CSMD2: variants seen among roughly 807,000 people sequenced by gnomAD.
The protein encoded by CSMD2 is CUB and Sushi multiple domains 2.
A neutral mutation model predicts 398.5 loss-of-function variants in CSMD2; 130 were observed. The observed-to-expected ratio is 0.33, with a 90% CI of 0.28 to 0.38. The LOEUF is 0.38. Ranked by LOEUF, CSMD2 falls within the 10% of genes least tolerant of loss-of-function variation. CSMD2 has a pLI of 1.00. For synonymous variants in CSMD2, 1,828 were observed against 1,908.5 expected, an observed-to-expected ratio of 0.96 and a Z score of 1.10; for missense variants, 3,829 against 4,764.9, an observed-to-expected ratio of 0.80 and a Z score of 5.78.
At chr1:34,061,484 T>C (rs185098018) in intron 2 of CSMD2, among the ~76,000 whole-genome samples, 2 of 152,030 alleles carry the variant, frequency 1.3e-5, no homozygotes, top group South Asian at 2.1e-4. Context: ...CACTCACTGC[T>C]TCTCTGCTAT....
intron 49 of CSMD2, 52 bp downstream of exon 49, chr1:33,577,244 A>G (rs980684993): frequency 6.6e-7 from 1 of 1,514,240 alleles, no homozygotes; most frequent in South Asian, 1.3e-5. Flanking sequence ...CAAACCCAAG[A>G]TATGAGTTGG....
chr1:33,624,721 C>A lies in CSMD2; in HGVS notation c.5501-78G>T. 6.5e-7 allele frequency: 1 copy of A among 1,541,048 alleles called. No homozygotes were observed. The highest frequency in any genetic ancestry group is 1.2e-5 in the South Asian group (1 of 83,576). ...TCCCAAGCTGACTCCTCCCTCATGG[C>A]CCCCAGCCTCTGTTTGTCCTCCTCC... On this transcript the variant is annotated intron_variant, in intron 34 of 70. Coordinates refer to ENST00000373381, the MANE Select transcript of CSMD2 (RefSeq NM_001281956.2). The surrounding 1 kb of genome is among the most constrained non-coding windows in gnomAD (Gnocchi z 4.7).
chr1:33,843,243 C>T (rs1661032683), intron 6 of CSMD2, among the ~76,000 whole-genome samples: 1 of 152,180 alleles, frequency 6.6e-6, no homozygotes, highest in African/African-American at 2.4e-5. Context: ...AGTTGCCTAC[C>T]TCCTGATAAC....
At chr1:33,880,059 T>G (rs1260921935) in intron 5 of CSMD2, among the ~76,000 whole-genome samples, 2 of 152,192 alleles carry the variant, frequency 1.3e-5, no homozygotes, top group Non-Finnish European at 2.9e-5. Flanking sequence ...TTAAGTAAAT[T>G]GCTCAAAGTT....
chr1:34,010,831 G>A (rs781737726), intron 3 of CSMD2, among the ~76,000 whole-genome samples: 2 of 151,978 alleles, frequency 1.3e-5, no homozygotes, highest in Admixed American at 6.5e-5. Context: ...TGTTAGCCTC[G>A]GTGAAGGATG....
intron 70 of CSMD2, among the ~76,000 whole-genome samples, chr1:33,517,912 C>A (rs1341728838): frequency 6.6e-6 from 1 of 152,218 alleles, no homozygotes. Flanking sequence ...GGAACTGTCC[C>A]CACCATCTCT....
chr1:33,586,907 C>T (rs545951009), intron 45 of CSMD2, among the ~76,000 whole-genome samples, 181 bp downstream of exon 45: 1 of 152,316 alleles, frequency 6.6e-6, no homozygotes, highest in African/African-American at 2.4e-5. Flanking sequence ...TCTGCCTCCC[C>T]TTTTGATTTT....
At position 33,925,116 on chromosome 1, in the gene CSMD2, T is replaced by C. The variant is rs906571029; in HGVS notation, c.713-6815A>G. Reference sequence around the variant, plus strand: ...TGCTTTTGAGGTCTTAGCCATAAAATCTTTGCCTAGACCAATCTCCTGGAA... The same window carrying C: ...TGCTTTTGAGGTCTTAGCCATAAAACCTTTGCCTAGACCAATCTCCTGGAA... On this transcript the variant is annotated intron_variant, in intron 4 of 70. Coordinates refer to ENST00000373381, the MANE Select transcript of CSMD2 (RefSeq NM_001281956.2). Among the ~76,000 whole-genome samples, 4 of 152,206 alleles carry C rather than the reference T, an allele frequency of 2.6e-5. No individual in the cohort carries two copies. The East Asian group carries it at 5.8e-4, about 22-fold the overall frequency.
intron 3 of CSMD2, among the ~76,000 whole-genome samples, chr1:33,993,577 C>T (rs1646631725): frequency 6.6e-6 from 1 of 152,172 alleles, no homozygotes; most frequent in South Asian, 2.1e-4. Context: ...TCTCTCTCGT[C>T]ACTTCTTTTT....
chr1:33,846,228 T>C (rs1661341690), intron 6 of CSMD2, among the ~76,000 whole-genome samples: 1 of 152,250 alleles, frequency 6.6e-6, no homozygotes, highest in Non-Finnish European at 1.5e-5. Context: ...GGGAAATTCT[T>C]CATTATTGCA....
At chr1:33,760,748 C>T (rs187744264) in intron 13 of CSMD2, among the ~76,000 whole-genome samples, 3 of 152,238 alleles carry the variant, frequency 2.0e-5, no homozygotes, top group Non-Finnish European at 1.5e-5. Context: ...GGAAGGTATA[C>T]ATTCAATTTT....
At chr1:33,780,587 G>T (rs1437480359) in intron 12 of CSMD2, among the ~76,000 whole-genome samples, 1 of 152,200 alleles carries the variant, frequency 6.6e-6, no homozygotes, top group Non-Finnish European at 1.5e-5. Context: ...CCAAACTAAA[G>T]CTTACCGTTT....
chr1:33,973,356 A>T (rs10753297), intron 3 of CSMD2, among the ~76,000 whole-genome samples: 48,922 of 152,186 alleles, frequency 0.32, 8,659 homozygotes, highest in East Asian at 0.43. Flanking sequence ...CCTGCACAGG[A>T]GATGGGGTCT....
chr1:33,526,428 C>A (rs1186098912), intron 65 of CSMD2, among the ~76,000 whole-genome samples: 3 of 152,242 alleles, frequency 2.0e-5, no homozygotes, highest in Non-Finnish European at 4.4e-5. Flanking sequence ...GCCATCCCAT[C>A]TACCTTATCA....
At chr1:33,714,341 G>A (rs1646090283) in intron 21 of CSMD2, among the ~76,000 whole-genome samples, 1 of 152,226 alleles carries the variant, frequency 6.6e-6, no homozygotes, top group South Asian at 2.1e-4. Flanking sequence ...GACCTAATTT[G>A]TAAAGGTCAC....
chr1:34,060,737 T>C (rs1654399332), intron 2 of CSMD2, among the ~76,000 whole-genome samples: 1 of 152,178 alleles, frequency 6.6e-6, no homozygotes, highest in Non-Finnish European at 1.5e-5. Context: ...TTTGATCTTT[T>C]CAATTGATTC....
chr1:33,657,924 G>A (rs371363890), intron 27 of CSMD2, 22 bp downstream of exon 27: 2 of 1,598,590 alleles, frequency 1.3e-6, no homozygotes, highest in South Asian at 1.1e-5. Flanking sequence ...AGAGCAGAGT[G>A]CACCCTGCAG....
intron 3 of CSMD2, among the ~76,000 whole-genome samples, chr1:33,994,765 C>T (rs151043419): frequency 6.6e-6 from 1 of 152,114 alleles, no homozygotes; most frequent in African/African-American, 2.4e-5. Flanking sequence ...AGTTGGTTTA[C>T]GTAGCTAAGC....
chr1:33,703,038 G>T (rs1009108187), intron 22 of CSMD2, among the ~76,000 whole-genome samples: 1 of 151,870 alleles, frequency 6.6e-6, no homozygotes, highest in African/African-American at 2.4e-5. Context: ...CTATTCTATT[G>T]CATTTGTCTA....
Sources: allele counts gnomAD v4.1 joint callset (sites outside exome capture counted in the v4.1 genomes callset), GRCh38; gene constraint gnomAD v4.1.1; non-coding constraint Gnocchi (gnomAD v3.1); transcripts MANE v1.5; gene names NCBI Gene and HGNC (gene_info 2026-07-23, HGNC 2026-07-21).